The following GRIN3A variants were observed in gnomAD, a reference collection of about 807,000 sequenced individuals.
GRIN3A encodes the protein glutamate receptor ionotropic, NMDA 3A.
A neutral mutation model predicts 92.4 loss-of-function variants in GRIN3A; 47 were observed. The observed-to-expected ratio is 0.51, with a 90% CI of 0.40 to 0.65. The LOEUF (loss-of-function observed/expected upper bound fraction) is 0.65. Ranked by LOEUF, GRIN3A falls within the 30% of genes least tolerant of loss-of-function variation. The probability of loss-of-function intolerance (pLI) is 0.00; values close to 1 mark genes in which losing one functional copy is unlikely to be tolerated. For missense variants in GRIN3A, 1,324 were observed against 1,393.1 expected (o/e 0.95, Z 0.79); for synonymous variants, 527 against 540.6 (o/e 0.97, Z 0.35).
At chr9:101,659,554 C>T (rs924776937) in intron 3 of GRIN3A, among the ~76,000 whole-genome samples, 1 of 140,962 alleles carries the variant, frequency 7.1e-6, no homozygotes, top group Non-Finnish European at 1.5e-5. Context: ...TTTATTTATA[C>T]ATAGAAAGTA....
At chr9:101,628,779 A>G (rs1015543270) in intron 3 of GRIN3A, among the ~76,000 whole-genome samples, 1 of 152,252 alleles carries the variant, frequency 6.6e-6, no homozygotes, top group Non-Finnish European at 1.5e-5. Flanking sequence ...TTAGAATAAC[A>G]TAAAGGCCAA....
chr9:101,584,356 AC>A (rs1827924398), intron 6 of GRIN3A, among the ~76,000 whole-genome samples: 1 of 152,212 alleles, frequency 6.6e-6, no homozygotes, highest in South Asian at 2.1e-4. Context: ...TTGTTAATTT[AC>A]ATTAGTATAT....
chr9:101,665,004 C>G (rs566950989), intron 3 of GRIN3A, among the ~76,000 whole-genome samples: 31 of 151,774 alleles, frequency 2.0e-4, no homozygotes, highest in African/African-American at 7.5e-4. Flanking sequence ...AACATATTTT[C>G]CCATATAAAT....
chr9:101,622,839 A>G (rs1050462486), intron 5 of GRIN3A, among the ~76,000 whole-genome samples: 1 of 152,142 alleles, frequency 6.6e-6, no homozygotes, highest in Non-Finnish European at 1.5e-5. Context: ...GTAAAATGTA[A>G]TCATTCTAGT....
intron 1 of GRIN3A, among the ~76,000 whole-genome samples, chr9:101,717,602 G>C (rs1302728800): frequency 6.6e-6 from 1 of 152,208 alleles, no homozygotes; most frequent in Non-Finnish European, 1.5e-5. Flanking sequence ...TGTTTGACAG[G>C]AGATAACAAG....
chr9:101,699,017 T>A (rs530721976), intron 1 of GRIN3A, among the ~76,000 whole-genome samples: 1 of 152,218 alleles, frequency 6.6e-6, no homozygotes, highest in African/African-American at 2.4e-5. Context: ...AAATTAACTT[T>A]AGTTTAATGT....
chr9:101,597,992 C>T (rs1448915436), intron 6 of GRIN3A, among the ~76,000 whole-genome samples: 1 of 152,076 alleles, frequency 6.6e-6, no homozygotes, highest in East Asian at 1.9e-4. Context: ...ACAGCAAAAA[C>T]ATTTTCATAC....
intron 1 of GRIN3A, among the ~76,000 whole-genome samples, chr9:101,734,591 A>G (rs1830178690): frequency 6.6e-6 from 1 of 151,994 alleles, no homozygotes; most frequent in Non-Finnish European, 1.5e-5. Context: ...GTATTGAAAT[A>G]AAACTATTAT....
Position 101,737,416 on chromosome 9 carries a change from C to T in GRIN3A, c.564G>A (p.Val188=). ...GCAGCGCCGACACCCCTTGCACCAC[C>T]ACGGTATGGCACACACTTTGCAGGA... The part of the protein sequence containing the change: ...FSFLQSVCHT[V]VVQGVSALLA... Residue 188 remains valine, a synonymous_variant, in exon 1 of 9, where the codon GTG becomes GTA. Transcript: ENST00000361820. 1 of 1,614,264 alleles carries T rather than the reference C, an allele frequency of 6.2e-7. No homozygotes were observed.
chr9:101,611,570 C>CA lies in GRIN3A; in HGVS notation c.2766+1805dup, dbSNP rs1258403368. On this transcript the variant is annotated intron_variant, in intron 6 of 8. Transcript: ENST00000361820. ...ATGTATGCTTTTGCCTTCTGCTCCC[C>CA]AATGTTTTCTCAGGTATGCTGTTCA... is the stretch of plus-strand genomic sequence containing the variant. 5.3e-5 allele frequency among the ~76,000 whole-genome samples: 8 copies of CA among 152,304 alleles called. No individual in the cohort carries two copies. The East Asian group carries it at 1.5e-3, about 29-fold the overall frequency.
chr9:101,642,806 G>A (rs889392979), intron 3 of GRIN3A, among the ~76,000 whole-genome samples: 93 of 152,168 alleles, frequency 6.1e-4, no homozygotes, highest in African/African-American at 2.0e-3. Flanking sequence ...GGATCTAGGT[G>A]GCAAGCATTA....
At chr9:101,582,228 G>C (rs1827896458) in intron 6 of GRIN3A, among the ~76,000 whole-genome samples, 1 of 152,178 alleles carries the variant, frequency 6.6e-6, no homozygotes, top group Non-Finnish European at 1.5e-5. Context: ...GTCTATCTGG[G>C]GGTCAGGACT....
Position 101,686,909 on chromosome 9 carries a change from C to T in GRIN3A, c.991G>A (p.Asp331Asn), listed in dbSNP as rs267602062. The change falls in exon 2 of 9, where the codon GAC becomes AAC. Residue 331 changes from aspartate to asparagine, a missense_variant. By Grantham distance (23) the Asp-to-Asn change is conservative. Transcript: ENST00000361820. ...STPTVVMFGC[D>N]MESIRRIFEI... ...AAAATCCGCCGGATACTTTCCATGT[C>T]GCAGCCAAACATCACCACTGTGGGT... The T allele has an allele frequency of 3.7e-6, 6 of 1,614,068 alleles. No homozygotes were observed. Among genetic ancestry groups the T allele is most frequent in the African/African-American group, 2.7e-5 (2 of 74,936 alleles).
At chr9:101,601,941 CT>C (rs1019880675) in intron 6 of GRIN3A, among the ~76,000 whole-genome samples, 8 of 152,072 alleles carry the variant, frequency 5.3e-5, no homozygotes, top group African/African-American at 1.9e-4. Context: ...ACCTCAATAT[CT>C]TTTTTGGGGG....
At chr9:101,588,280 A>G (rs1279149055) in intron 6 of GRIN3A, among the ~76,000 whole-genome samples, 1 of 152,244 alleles carries the variant, frequency 6.6e-6, no homozygotes, top group Admixed American at 6.5e-5. Flanking sequence ...AAGAAACAGA[A>G]GAGGAGATAA....
At chr9:101,681,199 T>C (rs1297199265) in intron 2 of GRIN3A, among the ~76,000 whole-genome samples, 1 of 152,204 alleles carries the variant, frequency 6.6e-6, no homozygotes, top group African/African-American at 2.4e-5. Flanking sequence ...ATGTTCAGAA[T>C]GCAGCAAGGG....
At position 101,659,366 on chromosome 9, in the gene GRIN3A, T is replaced by C. The variant is rs1015402438; in HGVS notation, c.2352+10694A>G. 6.8e-5 allele frequency among the ~76,000 whole-genome samples: 10 copies of C among 146,830 alleles called. No homozygotes were observed. In the East Asian group the frequency reaches 2.0e-3, roughly 29 times the overall value. On this transcript the variant is annotated intron_variant, in intron 3 of 8. Coordinates refer to ENST00000361820, the MANE Select transcript of GRIN3A (RefSeq NM_133445.3). ...TATTGACATAGAAAGTATGTATCTA[T>C]GTATTTATTTATACATAGAAAGTAT...
chr9:101,650,143 A>C (rs948140538), intron 3 of GRIN3A, among the ~76,000 whole-genome samples: 1 of 152,056 alleles, frequency 6.6e-6, no homozygotes, highest in Non-Finnish European at 1.5e-5. Flanking sequence ...CCTCCCAACA[A>C]CCATAGCATA....
intron 6 of GRIN3A, among the ~76,000 whole-genome samples, chr9:101,590,983 A>G (rs1828015615): frequency 6.6e-6 from 1 of 152,200 alleles, no homozygotes; most frequent in African/African-American, 2.4e-5. Context: ...GAATTTGCTG[A>G]GGCCATATTT....
Sources: gnomAD v4.1 joint callset for allele counts (sites outside exome capture counted in the v4.1 genomes callset) on GRCh38, gnomAD v4.1.1 for gene constraint, MANE v1.5 for transcripts, NCBI Gene and HGNC (gene_info 2026-07-23, HGNC 2026-07-21) for gene names.